TRIM23: variants seen among roughly 807,000 people sequenced by gnomAD.
The protein encoded by TRIM23 is tripartite motif containing 23, also known as E3 ubiquitin-protein ligase TRIM23.
Under a neutral mutation model 71.0 loss-of-function variants are expected in TRIM23, and 27 were observed. The ratio of observed to expected loss-of-function variants is 0.38; its 90% CI spans 0.28 to 0.52. The LOEUF is 0.52. Ranked by LOEUF, TRIM23 falls within the 20% of genes least tolerant of loss-of-function variation. The probability of loss-of-function intolerance (pLI) is 0.84; values close to 1 mark genes in which losing one functional copy is unlikely to be tolerated. For synonymous variants in TRIM23, 234 were observed against 238.0 expected (o/e 0.98, Z 0.16); for missense variants, 482 against 692.3 (o/e 0.70, Z 3.41).
At chr5:65,599,182 C>T (rs1168225909) in intron 7 of TRIM23, among the ~76,000 whole-genome samples, 1 of 151,790 alleles carries the variant, frequency 6.6e-6, no homozygotes, top group Non-Finnish European at 1.5e-5. Flanking sequence ...AGAGTCCACA[C>T]AAAAAGACCT....
Position 65,624,251 on chromosome 5 carries a change from C to T in TRIM23, c.24G>A (p.Lys8=), listed in dbSNP as rs1755050066. ...GGCCACTGTCTACTCCCGCTCCGAG[C>T]TTGTTTACAACCAGGGTAGCCATCC... MATLVVN[K]LGAGVDSGRQ... Residue 8 remains lysine, a synonymous_variant, in exon 1 of 11, where the codon AAG becomes AAA. Coordinates refer to ENST00000231524, the MANE Select transcript of TRIM23 (RefSeq NM_001656.4). 1 of 1,614,208 alleles carries T rather than the reference C, an allele frequency of 6.2e-7. No individual in the cohort carries two copies. The highest frequency in any genetic ancestry group is 8.5e-7 in the Non-Finnish European group (1 of 1,180,038).
intron 3 of TRIM23, chr5:65,613,758 C>T: frequency 8.2e-7 from 1 of 1,222,332 alleles, no homozygotes; most frequent in Non-Finnish European, 1.0e-6. Context: ...TTGAGTTTTA[C>T]TGTTGACTAC....
intron 3 of TRIM23, 133 bp downstream of exon 3, chr5:65,613,965 G>T: frequency 6.6e-7 from 1 of 1,525,854 alleles, no homozygotes; most frequent in Non-Finnish European, 8.8e-7. Context: ...CTTCAGAACT[G>T]TAATGTAATG....
chr5:65,624,079 C>T (rs918653456), intron 1 of TRIM23, 115 bp downstream of exon 1: 1 of 1,239,988 alleles, frequency 8.1e-7, no homozygotes. Flanking sequence ...CCAAAAGGGG[C>T]CCAGAGGCCG....
rs1753995935 is a variant in TRIM23 at position 65,590,678 on chromosome 5, T to C, written c.*1091A>G. The C allele has an allele frequency of 6.1e-6, 6 of 984,802 alleles. No homozygotes were observed. The highest frequency in any genetic ancestry group is 7.2e-6 in the Non-Finnish European group (6 of 828,992). 61.0% of individuals were successfully genotyped at this position (984,802 alleles called of 1,614,324 possible). On this transcript the variant is annotated 3_prime_UTR_variant, in exon 11 of 11. Coordinates refer to ENST00000231524, the MANE Select transcript of TRIM23 (RefSeq NM_001656.4). Reference sequence around the variant, plus strand: ...AACACTGAATAATTAATGTAAACTTTTTGAATTTTTTTTTTCTTTAGACAT... The same window carrying C: ...AACACTGAATAATTAATGTAAACTTCTTGAATTTTTTTTTTCTTTAGACAT...
chr5:65,590,381 TTTGTTTTCTAAAACTTGTA>T lies in TRIM23; in HGVS notation c.*1369_*1387del. 1 of 1,446,776 alleles carries T rather than the reference TTTGTTTTCTAAAACTTGTA, an allele frequency of 6.9e-7. No homozygotes were observed. The highest frequency in any genetic ancestry group is 9.2e-7 in the Non-Finnish European group (1 of 1,092,738). 89.6% of individuals were successfully genotyped at this position (1,446,776 alleles called of 1,614,324 possible). A position where few individuals can be genotyped will look rare whatever the true frequency, so the allele number is the denominator to read the frequency against. ...TACTGATAGGCTTTTTTTTTAATGC[TTTGTTTTCTAAAACTTGTA>T]TTGTTTTTAAACAAAAATAGATTTG... On this transcript the variant is annotated 3_prime_UTR_variant, in exon 11 of 11. Coordinates refer to ENST00000231524, the MANE Select transcript of TRIM23 (RefSeq NM_001656.4).
intron 7 of TRIM23, among the ~76,000 whole-genome samples, chr5:65,602,255 C>A (rs1229834463): frequency 6.6e-6 from 1 of 152,176 alleles, no homozygotes; most frequent in Non-Finnish European, 1.5e-5. Flanking sequence ...CCACCAGATA[C>A]CCTAAATCAC....
intron 3 of TRIM23, among the ~76,000 whole-genome samples, chr5:65,612,696 C>G (rs1367561082): frequency 6.6e-6 from 1 of 151,968 alleles, no homozygotes; most frequent in Non-Finnish European, 1.5e-5. Context: ...GTACATGCCT[C>G]TAATACCAGC....
chr5:65,603,943 T>G (rs565103242), intron 7 of TRIM23, among the ~76,000 whole-genome samples: 1 of 146,416 alleles, frequency 6.8e-6, no homozygotes, highest in South Asian at 2.2e-4. Context: ...ACTTTTTTGG[T>G]GTAATAATGA....
At chr5:65,592,090 C>A in intron 10 of TRIM23, 142 bp from the exon 11 acceptor site, 1 of 745,520 alleles carries the variant, frequency 1.3e-6, no homozygotes, top group Non-Finnish European at 2.1e-6. Flanking sequence ...AGTAATTATT[C>A]TGAGATTAAT....
chr5:65,600,622 TAAAAAAA>T (rs34809421), intron 7 of TRIM23, among the ~76,000 whole-genome samples: 3 of 102,330 alleles, frequency 2.9e-5, no homozygotes, highest in Non-Finnish European at 6.0e-5. Flanking sequence ...AAAAGCACAG[TAAAAAAA>T]AAAAAAAAAA....
At position 65,590,343 on chromosome 5, in the gene TRIM23, A is replaced by G; in HGVS notation, c.*1426T>C. 6.8e-7 allele frequency: 1 copy of G among 1,466,262 alleles called. No individual in the cohort carries two copies. The allele number at this position is 1,466,262 out of a possible 1,614,324, so 90.8% of individuals were successfully genotyped here. A position where few individuals can be genotyped will look rare whatever the true frequency, so the allele number is the denominator to read the frequency against. On this transcript the variant is annotated 3_prime_UTR_variant, in exon 11 of 11. Coordinates refer to ENST00000231524, the MANE Select transcript of TRIM23 (RefSeq NM_001656.4). ...TGAAATATTACATTTATTTATTTAC[A>G]TATTGCCCATAATACTGATAGGCTT...
At chr5:65,604,099 T>TTTTGC (rs907969624) in intron 7 of TRIM23, among the ~76,000 whole-genome samples, 23 of 151,882 alleles carry the variant, frequency 1.5e-4, no homozygotes, top group African/African-American at 5.6e-4. Context: ...ATTATGTTTG[T>TTTTGC]TTTGTTTTGT....
In TRIM23 at chr5:65,594,507, T is replaced by C; in HGVS notation, c.1545+14A>G. 1 of 1,595,300 alleles carries C rather than the reference T, an allele frequency of 6.3e-7. No homozygotes were observed. Among genetic ancestry groups the C allele is most frequent in the Non-Finnish European group, 8.5e-7 (1 of 1,174,864 alleles). ...AACTACTAAAATAAATATTCCAATATAAAAATGCATTACCTGTTTGTTAGC... is the reference window on the plus strand; with the variant it reads ...AACTACTAAAATAAATATTCCAATACAAAAATGCATTACCTGTTTGTTAGC... On this transcript the variant is annotated intron_variant, in intron 10 of 10. Transcript: ENST00000231524.
Position 65,618,205 on chromosome 5 carries a change from T to G in TRIM23, c.132A>C (p.Lys44Asn). ...GGCCACAAAGCAAAAGACGGGGAAC[T>G]TTGTCTCCTTGCAAAGAAAAGACAT... The part of the protein sequence containing the change: ...CEDVFSLQGD[K>N]VPRLLLCGHT... Residue 44 changes from lysine to asparagine, a missense_variant, in exon 2 of 11, where the codon AAA (lysine) becomes AAC (asparagine). Coordinates refer to ENST00000231524, the MANE Select transcript of TRIM23 (RefSeq NM_001656.4). 1 of 1,614,116 alleles carries G rather than the reference T, an allele frequency of 6.2e-7. No homozygotes were observed. The highest frequency in any genetic ancestry group is 8.5e-7 in the Non-Finnish European group (1 of 1,179,976).
chr5:65,616,857 G>A (rs1313128073), intron 2 of TRIM23, among the ~76,000 whole-genome samples: 3 of 151,722 alleles, frequency 2.0e-5, no homozygotes, highest in African/African-American at 7.3e-5. Context: ...AAGTAGCTGG[G>A]ATTACAGGCA....
intron 1 of TRIM23, among the ~76,000 whole-genome samples, chr5:65,623,895 T>C (rs967459900): frequency 2.0e-5 from 3 of 152,204 alleles, no homozygotes; most frequent in African/African-American, 4.8e-5. Flanking sequence ...TTAATGTCTG[T>C]TGAGTTTAAC....
chr5:65,608,073 G>A (rs1754553396), intron 6 of TRIM23, among the ~76,000 whole-genome samples: 1 of 152,216 alleles, frequency 6.6e-6, no homozygotes. Flanking sequence ...GAACTCTGAG[G>A]TATTAAGGAG....
rs1755051079 is a variant in TRIM23 at position 65,624,260 on chromosome 5, A to G, written c.15T>C (p.Val5=). ...CTACTCCCGCTCCGAGCTTGTTTAC[A>G]ACCAGGGTAGCCATCCTCGCAGGGG... The part of the protein sequence containing the change: MATL[V]VNKLGAGVDS... Residue 5 remains valine (V), a synonymous_variant, in exon 1 of 11, where the codon GTT becomes GTC. Transcript: ENST00000231524. 1 of 1,614,070 alleles carries G rather than the reference A, an allele frequency of 6.2e-7. No homozygotes were observed. Among genetic ancestry groups the G allele is most frequent in the African/African-American group, 1.3e-5 (1 of 74,948 alleles).
Sources: gnomAD v4.1 joint callset for allele counts (sites outside exome capture counted in the v4.1 genomes callset) on GRCh38, gnomAD v4.1.1 for gene constraint, MANE v1.5 for transcripts, NCBI Gene and HGNC (gene_info 2026-07-23, HGNC 2026-07-21) for gene names.